The following LRBA variants were observed in gnomAD, a reference collection of about 807,000 sequenced individuals.
LRBA encodes lipopolysaccharide-responsive and beige-like anchor protein.
LRBA carries 176 observed loss-of-function variants against 330.0 expected under a neutral mutation model. The ratio of observed to expected loss-of-function variants is 0.53; its 90% CI spans 0.47 to 0.60. LRBA has a LOEUF of 0.60. Ranked by LOEUF, LRBA falls within the 20% of genes least tolerant of loss-of-function variation. The pLI is 0.00. For synonymous variants in LRBA, 1,230 were observed against 1,193.0 expected, an observed-to-expected ratio of 1.03 and a Z score of -0.64; for missense variants, 3,259 against 3,444.8, an observed-to-expected ratio of 0.95 and a Z score of 1.35.
Position 150,808,411 on chromosome 4 carries a change from A to AATAACC in LRBA, c.5306-19_5306-14dup. 1 of 1,502,808 alleles carries AATAACC rather than the reference A, an allele frequency of 6.7e-7. No homozygotes were observed. Among genetic ancestry groups the AATAACC allele is most frequent in the Non-Finnish European group, 9.3e-7 (1 of 1,081,000 alleles). The allele number at this position is 1,502,808 out of a possible 1,614,324, so 93.1% of individuals were successfully genotyped here. A position where few individuals can be genotyped will look rare whatever the true frequency, so the allele number is the denominator to read the frequency against. ...GATGATCTACTGCCTATAAAAGAAA[A>AATAACC]ATAACCATCTATAGGAATTTTCTGC... On this transcript the variant is annotated splice_polypyrimidine_tract_variant and intron_variant, in intron 31 of 56. Coordinates refer to ENST00000651943, the MANE Select transcript of LRBA (RefSeq NM_001364905.1).
At chr4:150,948,308 AACCCAGAACTAG>A (rs1247540049) in intron 2 of LRBA, among the ~76,000 whole-genome samples, 2 of 152,042 alleles carry the variant, frequency 1.3e-5, no homozygotes, top group East Asian at 3.8e-4. Context: ...CAGAATAAAG[AACCCAGAACTAG>A]ACCCACACAA....
intron 53 of LRBA, among the ~76,000 whole-genome samples, chr4:150,292,027 C>T (rs1170951394): frequency 1.3e-5 from 2 of 152,136 alleles, no homozygotes; most frequent in Non-Finnish European, 2.9e-5. Flanking sequence ...GAACAATGGA[C>T]TTATGTTTTA....
intron 4 of LRBA, among the ~76,000 whole-genome samples, chr4:150,924,478 C>T (rs1667890759): frequency 6.6e-6 from 1 of 152,028 alleles, no homozygotes; most frequent in South Asian, 2.1e-4. Context: ...CACCACTGTA[C>T]TCCAACCTGG....
intron 47 of LRBA, among the ~76,000 whole-genome samples, chr4:150,396,736 C>T (rs1335447086): frequency 6.6e-6 from 1 of 152,108 alleles, no homozygotes; most frequent in Non-Finnish European, 1.5e-5. Flanking sequence ...CAGGTACTGA[C>T]ACTTGACAAG....
intron 47 of LRBA, among the ~76,000 whole-genome samples, chr4:150,402,355 CA>C (rs1385900845): frequency 6.8e-6 from 1 of 148,134 alleles, no homozygotes; most frequent in African/African-American, 2.5e-5. Flanking sequence ...AGTATATGAA[CA>C]AAAAAAGTGA....
chr4:150,856,529 A>G (rs1751251545), intron 22 of LRBA, among the ~76,000 whole-genome samples: 1 of 152,172 alleles, frequency 6.6e-6, no homozygotes, highest in Non-Finnish European at 1.5e-5. Context: ...CTTGATTAAT[A>G]GTCAGAGTAT....
At chr4:150,837,965 G>A (rs1313275249) in intron 28 of LRBA, among the ~76,000 whole-genome samples, 1 of 152,124 alleles carries the variant, frequency 6.6e-6, no homozygotes, top group Non-Finnish European at 1.5e-5. Context: ...CTTCCTTCAG[G>A]AGCTCTTGTA....
chr4:150,478,950 C>T (rs1757003619), intron 42 of LRBA, among the ~76,000 whole-genome samples: 2 of 152,062 alleles, frequency 1.3e-5, no homozygotes, highest in African/African-American at 4.8e-5. Context: ...GTGCTTGACA[C>T]ATTGTAAGTG....
intron 34 of LRBA, among the ~76,000 whole-genome samples, chr4:150,777,004 A>T (rs561612046): frequency 6.6e-6 from 1 of 152,188 alleles, no homozygotes; most frequent in Non-Finnish European, 1.5e-5. Flanking sequence ...TGAAAATACA[A>T]AAGTATTATA....
Position 150,543,177 on chromosome 4 carries a change from GGCCACA to G in LRBA, c.6330+44865_6330+44870del, listed in dbSNP as rs570211517. ...CCTGCCAAATGTTGGGACTTGAAAA[GGCCACA>G]GCTTTATACACAATTAACAGTCAAA... On this transcript the variant is annotated intron_variant, in intron 40 of 56. Coordinates refer to ENST00000651943, the MANE Select transcript of LRBA (RefSeq NM_001364905.1). Among the ~76,000 whole-genome samples, 35 of 152,188 alleles carry G rather than the reference GGCCACA, an allele frequency of 2.3e-4. No individual in the cohort carries two copies. In the South Asian group the frequency reaches 7.1e-3, roughly 31 times the overall value.
chr4:150,358,337 A>T (rs1264454432), intron 47 of LRBA, among the ~76,000 whole-genome samples: 1 of 152,186 alleles, frequency 6.6e-6, no homozygotes, highest in Non-Finnish European at 1.5e-5. Flanking sequence ...GAAGAGTATA[A>T]GGAGAAGGAC....
intron 47 of LRBA, among the ~76,000 whole-genome samples, chr4:150,355,783 C>G (rs555827273): frequency 6.6e-6 from 1 of 152,008 alleles, no homozygotes; most frequent in South Asian, 2.1e-4. Flanking sequence ...TTTAATTGTA[C>G]TTATAATTAA....
In LRBA at chr4:150,729,040, C is replaced by A. The variant is rs560994182; in HGVS notation, c.5754+6218G>T. Reference sequence around the variant, plus strand: ...ACCAACATACAAAAATGAGTAGTGGCCAGACATGATGGCTCATGTCTATAA... The same window carrying A: ...ACCAACATACAAAAATGAGTAGTGGACAGACATGATGGCTCATGTCTATAA... On this transcript the variant is annotated intron_variant, in intron 36 of 56. Coordinates refer to ENST00000651943, the MANE Select transcript of LRBA (RefSeq NM_001364905.1). Among the ~76,000 whole-genome samples, 7 of 152,230 alleles carry A rather than the reference C, an allele frequency of 4.6e-5. No homozygotes were observed. The South Asian group carries it at 1.2e-3, about 27-fold the overall frequency.
At chr4:150,481,076 G>A (rs1757242590) in intron 42 of LRBA, among the ~76,000 whole-genome samples, 12 of 152,110 alleles carry the variant, frequency 7.9e-5, no homozygotes, top group Admixed American at 7.9e-4. Flanking sequence ...CCACATATGA[G>A]TGAGAACACG....
At chr4:150,519,895 C>T (rs1168708696) in intron 40 of LRBA, among the ~76,000 whole-genome samples, 3 of 152,168 alleles carry the variant, frequency 2.0e-5, no homozygotes, top group Non-Finnish European at 4.4e-5. Context: ...GCTATCCTAA[C>T]GTGTAGTAGT....
intron 30 of LRBA, among the ~76,000 whole-genome samples, chr4:150,820,400 C>T (rs1298023056): frequency 1.3e-5 from 2 of 151,852 alleles, no homozygotes; most frequent in East Asian, 1.9e-4. Flanking sequence ...ATATTTATCA[C>T]CACAATCATA....
chr4:150,929,401 C>A (rs1734220875), intron 2 of LRBA, among the ~76,000 whole-genome samples: 1 of 152,206 alleles, frequency 6.6e-6, no homozygotes, highest in Non-Finnish European at 1.5e-5. Context: ...AGTATCAAAT[C>A]TGTGAACTAC....
chr4:150,671,575 G>A (rs906864639), intron 37 of LRBA, among the ~76,000 whole-genome samples: 3 of 152,110 alleles, frequency 2.0e-5, no homozygotes, highest in Non-Finnish European at 2.9e-5. Flanking sequence ...TTACAAATCA[G>A]TCACTAAGTA....
At chr4:150,915,357 G>A (rs564478183) in intron 8 of LRBA, among the ~76,000 whole-genome samples, 1 of 152,044 alleles carries the variant, frequency 6.6e-6, no homozygotes, top group East Asian at 1.9e-4. Context: ...ATGAACCAAT[G>A]ACCCACTCCC....
Sources: allele counts gnomAD v4.1 joint callset (sites outside exome capture counted in the v4.1 genomes callset), GRCh38; gene constraint gnomAD v4.1.1; transcripts MANE v1.5; gene names NCBI Gene and HGNC (gene_info 2026-07-23, HGNC 2026-07-21).